Variants in DHRS9 observed in about 807,000 individuals in gnomAD.
DHRS9 encodes dehydrogenase/reductase SDR family member 9.
Under a neutral mutation model 26.6 loss-of-function variants are expected in DHRS9, and 18 were observed. The ratio of observed to expected loss-of-function variants is 0.68; its 90% confidence interval spans 0.47 to 1.00. The LOEUF (loss-of-function observed/expected upper bound fraction) is 1.00, where lower values mean the gene tolerates loss of function less well. Among genes scored for constraint, DHRS9 ranks in the 50% least tolerant of loss-of-function variants. The pLI is 0.00. For missense variants in DHRS9, 425 were observed against 378.7 expected, an observed-to-expected ratio of 1.12 and a Z score of -1.01; for synonymous variants, 134 against 141.1, an observed-to-expected ratio of 0.95 and a Z score of 0.36.
At chr2:169,072,842 T>A (rs966915278) in intron 1 of DHRS9, among the ~76,000 whole-genome samples, 5 of 152,244 alleles carry the variant, frequency 3.3e-5, no homozygotes, top group Non-Finnish European at 7.3e-5. Flanking sequence ...AGTTTAGAGT[T>A]CAGAGAGTTT....
At chr2:169,076,634 C>T (rs984762285) in intron 1 of DHRS9, among the ~76,000 whole-genome samples, 9 of 152,178 alleles carry the variant, frequency 5.9e-5, no homozygotes, top group African/African-American at 1.9e-4. Flanking sequence ...TTTGCTACTC[C>T]TCCTTCTGAC....
At chr2:169,077,734 C>T (rs1036110461) in intron 1 of DHRS9, among the ~76,000 whole-genome samples, 1 of 152,158 alleles carries the variant, frequency 6.6e-6, no homozygotes, top group African/African-American at 2.4e-5. Flanking sequence ...CCAAATCATC[C>T]ATCCAACTGA....
At chr2:169,089,013 T>C (rs1444320418) in intron 3 of DHRS9, among the ~76,000 whole-genome samples, 5 of 152,212 alleles carry the variant, frequency 3.3e-5, no homozygotes, top group Admixed American at 6.5e-5. Context: ...GAACCAGAAC[T>C]TATCACCATC....
chr2:169,078,044 C>A (rs891084477), intron 1 of DHRS9, among the ~76,000 whole-genome samples: 3 of 152,194 alleles, frequency 2.0e-5, no homozygotes, highest in Admixed American at 6.5e-5. Flanking sequence ...CACTTCTCAG[C>A]CCAGCCCAGA....
At chr2:169,076,804 C>T (rs1683975836) in intron 1 of DHRS9, among the ~76,000 whole-genome samples, 1 of 152,108 alleles carries the variant, frequency 6.6e-6, no homozygotes, top group South Asian at 2.1e-4. Context: ...AGAAGCCTTA[C>T]CAAAAACATA....
intron 1 of DHRS9, among the ~76,000 whole-genome samples, chr2:169,078,215 A>C (rs953370542): frequency 6.6e-6 from 1 of 152,308 alleles, no homozygotes; most frequent in Admixed American, 6.5e-5. Context: ...GAGAGGACAA[A>C]ATGAGACCTG....
In DHRS9 at chr2:169,095,804, A is replaced by G. The variant is rs1684681936; in HGVS notation, c.*37A>G. 1.9e-6 allele frequency: 3 copies of G among 1,585,490 alleles called. No homozygotes were observed. The East Asian group carries it at 6.7e-5, about 36-fold the overall frequency. On this transcript the variant is annotated 3_prime_UTR_variant, in exon 5 of 5. Transcript: ENST00000674881. ...ACAAATGTCTCCTCCAGGCTATGAA[A>G]TTGGCCGATTTCAAGAACACATCTC...
chr2:169,067,640 T>TA (rs57824757), upstream of DHRS9, among the ~76,000 whole-genome samples: 3 of 152,294 alleles, frequency 2.0e-5, no homozygotes, highest in Non-Finnish European at 4.4e-5. Context: ...ATTTTTTTTT[T>TA]AATGTGATCT....
rs573494526 is a variant in DHRS9 at position 169,083,586 on chromosome 2, A to G, written c.571A>G (p.Arg191Gly). 49 of 1,612,770 alleles carry G rather than the reference A, an allele frequency of 3.0e-5. No homozygotes were observed. The highest frequency in any genetic ancestry group is 1.2e-4 in the Admixed American group (7 of 59,968). The change falls in exon 3 of 5, where the codon AGA becomes GGA. Residue 191 changes from arginine (R) to glycine (G), a missense_variant and splice_region_variant. Coordinates refer to ENST00000674881, the MANE Select transcript of DHRS9 (RefSeq NM_001376924.1). The part of the protein sequence containing the change: ...YAVEGFNDSL[R>G]RDMKAFGVHV... Reference sequence around the variant, plus strand: ...AGTGGAAGGTTTCAATGACAGCTTAAGGTAAATCAAATTAATCAACTTATT... The same window carrying G: ...AGTGGAAGGTTTCAATGACAGCTTAGGGTAAATCAAATTAATCAACTTATT...
chr2:169,078,170 C>A (rs184539050), intron 1 of DHRS9, among the ~76,000 whole-genome samples: 1 of 152,326 alleles, frequency 6.6e-6, no homozygotes, highest in Non-Finnish European at 1.5e-5. Flanking sequence ...GTTTCTAAGG[C>A]AAATAATATG....
chr2:169,074,912 T>G (rs925272031), intron 1 of DHRS9, among the ~76,000 whole-genome samples: 1 of 152,198 alleles, frequency 6.6e-6, no homozygotes, highest in Non-Finnish European at 1.5e-5. Context: ...TGTGAGTCCA[T>G]TCTTAACAGC....
intron 1 of DHRS9, among the ~76,000 whole-genome samples, chr2:169,077,815 G>A (rs1218364349): frequency 6.6e-6 from 1 of 152,122 alleles, no homozygotes; most frequent in African/African-American, 2.4e-5. Flanking sequence ...CCTCCTTGTG[G>A]CTTCCCTTCC....
At position 169,081,534 on chromosome 2, in the gene DHRS9, C is replaced by A. The variant is rs775437689; in HGVS notation, c.-48C>A. 1.8e-5 allele frequency: 29 copies of A among 1,571,700 alleles called. No homozygotes were observed. Among genetic ancestry groups the A allele is most frequent in the Middle Eastern group, 3.4e-4 (2 of 5,846 alleles). On this transcript the variant is annotated 5_prime_UTR_variant, in exon 2 of 5. Coordinates refer to ENST00000674881, the MANE Select transcript of DHRS9 (RefSeq NM_001376924.1). ...CTTTGAACACTCAGGACACCATCTT[C>A]TTGTATTATACAAGAAAGGAGTGTA...
At chr2:169,083,284 T>C (rs774097062) in intron 2 of DHRS9, 45 bp from the exon 3 acceptor site, 2 of 1,590,684 alleles carry the variant, frequency 1.3e-6, no homozygotes, top group South Asian at 1.1e-5. Flanking sequence ...AGGTGGCAAA[T>C]AAGTACTGTC....
chr2:169,083,256 G>C, intron 2 of DHRS9, 73 bp from the exon 3 acceptor site: 1 of 1,543,854 alleles, frequency 6.5e-7, no homozygotes, highest in Non-Finnish European at 8.9e-7. Context: ...TGCAAAGCAG[G>C]GGCTGTATTT....
chr2:169,074,907 G>C (rs1683918460), intron 1 of DHRS9, among the ~76,000 whole-genome samples: 1 of 152,182 alleles, frequency 6.6e-6, no homozygotes, highest in Admixed American at 6.5e-5. Context: ...TTTAATGTGA[G>C]TCCATTCTTA....
In DHRS9 at chr2:169,083,655, G is replaced by A. The variant is rs1684263561; in HGVS notation, c.572+68G>A. ...ACGTTTACTGAATGCTTATGTACAA[G>A]ACATCCTATTTAGTACCTTTCAAAA... On this transcript the variant is annotated intron_variant, in intron 3 of 4. Transcript: ENST00000674881. 3.9e-6 allele frequency: 6 copies of A among 1,553,984 alleles called. No individual in the cohort carries two copies. The Admixed American group carries it at 1.1e-4, about 28-fold the overall frequency.
Position 169,095,801 on chromosome 2 carries a change from G to C in DHRS9, c.*34G>C, listed in dbSNP as rs1038540727. ...ACCACAAATGTCTCCTCCAGGCTATGAAATTGGCCGATTTCAAGAACACAT... is the reference window on the plus strand; with the variant it reads ...ACCACAAATGTCTCCTCCAGGCTATCAAATTGGCCGATTTCAAGAACACAT... On this transcript the variant is annotated 3_prime_UTR_variant, in exon 5 of 5. Coordinates refer to ENST00000674881, the MANE Select transcript of DHRS9 (RefSeq NM_001376924.1). 4.4e-6 allele frequency: 7 copies of C among 1,587,932 alleles called. No individual in the cohort carries two copies. The highest frequency in any genetic ancestry group is 1.3e-5 in the African/African-American group (1 of 74,350).
chr2:169,067,153 G>C (rs1201198945), upstream of DHRS9: 1 of 1,535,414 alleles, frequency 6.5e-7, no homozygotes, highest in Non-Finnish European at 8.7e-7. Context: ...CATTATGCCA[G>C]AAGGAAGAAG....
Sources: allele counts gnomAD v4.1 joint callset (sites outside exome capture counted in the v4.1 genomes callset), GRCh38; gene constraint gnomAD v4.1.1; transcripts MANE v1.5; gene names NCBI Gene and HGNC (gene_info 2026-07-23, HGNC 2026-07-21).